The following DIABLO variants were observed in gnomAD, a reference collection of about 807,000 sequenced individuals.
DIABLO encodes the protein diablo IAP-binding mitochondrial protein, also known as diablo homolog, mitochondrial.
In DIABLO, 32 loss-of-function variants were observed where a neutral mutation model predicts 31.7. The ratio of observed to expected loss-of-function variants is 1.01; its 90% CI spans 0.76 to 1.35. The LOEUF (loss-of-function observed/expected upper bound fraction) is 1.35. DIABLO is among the 40% of genes most tolerant of loss of function. The pLI, the probability that DIABLO is intolerant of heterozygous loss-of-function variation, is 0.00. For missense variants in DIABLO, 316 were observed against 286.4 expected, an observed-to-expected ratio of 1.10 and a Z score of -0.75; for synonymous variants, 132 against 103.2, an observed-to-expected ratio of 1.28 and a Z score of -1.69.
rs539899665 is a variant in DIABLO at position 122,224,485 on chromosome 12, G to C, written c.183+27C>G. 3.1e-6 allele frequency: 5 copies of C among 1,613,636 alleles called. No homozygotes were observed. The African/African-American group carries it at 6.7e-5, about 22-fold the overall frequency. Reference sequence around the variant, plus strand: ...GACTTCAAGAGGACACGGTACACTAGATAAGAATCACTGCACACGACAGTA... The same window carrying C: ...GACTTCAAGAGGACACGGTACACTACATAAGAATCACTGCACACGACAGTA... On this transcript the variant is annotated intron_variant, in intron 2 of 5. Coordinates refer to ENST00000464942, the MANE Select transcript of DIABLO (RefSeq NM_001371333.1).
In DIABLO at chr12:122,216,453, TTAAAA is replaced by T. The variant is rs754184666; in HGVS notation, c.523+30_523+34del. The T allele has an allele frequency of 5.3e-6, 7 of 1,315,846 alleles. No individual in the cohort carries two copies. The African/African-American group carries it at 9.7e-5, about 18-fold the overall frequency. 81.5% of individuals were successfully genotyped at this position (1,315,846 alleles called of 1,614,324 possible). A position where few individuals can be genotyped will look rare whatever the true frequency, so the allele number is the denominator to read the frequency against. Reference sequence around the variant, plus strand: ...AAATGGTACCTTCCTAGTTAAAAAATTAAAAAAAAAACCCAACACAAAACTTGAAC... The same window carrying T: ...AAATGGTACCTTCCTAGTTAAAAAATAAAAAACCCAACACAAAACTTGAAC... On this transcript the variant is annotated intron_variant, in intron 5 of 5. Transcript: ENST00000464942.
At chr12:122,222,738 CAAG>C (rs1215937351) in intron 2 of DIABLO, among the ~76,000 whole-genome samples, 5 of 152,074 alleles carry the variant, frequency 3.3e-5, no homozygotes, top group Non-Finnish European at 7.4e-5. Flanking sequence ...TAGATTCTTA[CAAG>C]AAGCACACAA....
At chr12:122,215,725 T>C (rs959082207) in intron 5 of DIABLO, among the ~76,000 whole-genome samples, 1 of 151,458 alleles carries the variant, frequency 6.6e-6, no homozygotes, top group Admixed American at 6.6e-5. Flanking sequence ...GCTGGGAGAA[T>C]AGGAGAAGCA....
rs1954230781 is a variant in DIABLO, at chr12:122,217,066, G to GT, written c.316-198dup. ...AGTATCTCCATCTGTAAACTTCTGTGTTTTTAAAAGCTTGTCAGCAATTCA... is the reference window on the plus strand; with the variant it reads ...AGTATCTCCATCTGTAAACTTCTGTGTTTTTTAAAAGCTTGTCAGCAATTCA... On this transcript the variant is annotated intron_variant, in intron 3 of 5. Coordinates refer to ENST00000464942, the MANE Select transcript of DIABLO (RefSeq NM_001371333.1). 2.6e-5 allele frequency: 14 copies of GT among 543,014 alleles called. No individual in the cohort carries two copies. In the South Asian group the frequency reaches 2.9e-4, roughly 11 times the overall value. 33.6% of individuals were successfully genotyped at this position (543,014 alleles called of 1,614,324 possible).
intron 2 of DIABLO, chr12:122,218,645 TATAAA>T (rs1458575429): frequency 2.1e-6 from 1 of 487,006 alleles, no homozygotes; most frequent in Admixed American, 3.3e-5. Context: ...TTTCTTTACA[TATAAA>T]ATAAATTGTG....
upstream of DIABLO, chr12:122,226,268 G>A (rs1402386641): frequency 1.4e-6 from 1 of 697,332 alleles, no homozygotes; most frequent in South Asian, 1.5e-5. Context: ...GCGCGGAGGT[G>A]GGTCCGGCGC....
upstream of DIABLO, chr12:122,226,154 C>T: frequency 7.6e-7 from 1 of 1,311,416 alleles, no homozygotes. Context: ...ATTGGGCAGG[C>T]AGGGGGAAAG....
At chr12:122,218,985 A>C (rs1179936334) in intron 2 of DIABLO, among the ~76,000 whole-genome samples, 4 of 148,350 alleles carry the variant, frequency 2.7e-5, no homozygotes, top group African/African-American at 1.0e-4. Context: ...CTGTAATCCC[A>C]GCACTTTGGG....
intron 1 of DIABLO, chr12:122,224,873 G>C: frequency 1.4e-6 from 2 of 1,440,958 alleles, no homozygotes; most frequent in Admixed American, 4.3e-5. Flanking sequence ...AAGGCCAAGG[G>C]CAAGGCGGGA....
chr12:122,207,742 A>G lies in DIABLO; in HGVS notation c.*639T>C, dbSNP rs146155613. ...CTTCTCCTTTGGATACAATAGAGAA[A>G]CGGAAAGAAAGGAAGGAACAAGAGG... On this transcript the variant is annotated 3_prime_UTR_variant, in exon 6 of 6. Coordinates refer to ENST00000464942, the MANE Select transcript of DIABLO (RefSeq NM_001371333.1). The G allele has an allele frequency of 1.8e-4, 91 of 493,848 alleles. No individual in the cohort carries two copies. The highest frequency in any genetic ancestry group is 1.6e-3 in the African/African-American group (85 of 51,688). 30.6% of individuals were successfully genotyped at this position (493,848 alleles called of 1,614,324 possible). A position where few individuals can be genotyped will look rare whatever the true frequency, so the allele number is the denominator to read the frequency against.
intron 5 of DIABLO, among the ~76,000 whole-genome samples, chr12:122,214,947 C>T (rs1282852113): frequency 2.0e-5 from 3 of 152,136 alleles, no homozygotes; most frequent in Non-Finnish European, 2.9e-5. Flanking sequence ...TCAAGTGATC[C>T]GCCCTCCTTG....
At chr12:122,225,869 C>A (rs1311083376) in intron 1 of DIABLO, 96 bp downstream of exon 1, 15 of 1,540,262 alleles carry the variant, frequency 9.7e-6, no homozygotes, top group Non-Finnish European at 1.3e-5. Context: ...GAGAGATGAG[C>A]GCGTAAGGAA....
intron 3 of DIABLO, chr12:122,217,259 T>G: frequency 3.7e-6 from 1 of 270,630 alleles, no homozygotes; most frequent in Non-Finnish European, 7.2e-6. Flanking sequence ...ATGCCTGTAA[T>G]CCTAGCACTT....
chr12:122,225,994 C>T lies in DIABLO; in HGVS notation c.21G>A (p.Trp7Ter), dbSNP rs749139648. The T allele has an allele frequency of 6.2e-7, 1 of 1,603,442 alleles. No homozygotes were observed. The change falls in exon 1 of 6, where the codon TGG becomes TGA. Residue 7 changes from tryptophan to a stop codon, truncating the protein, a stop_gained. Transcript: ENST00000464942. LOFTEE classifies it high-confidence loss of function. MAALKS[W>*]LSRSVTSFFR... ...AGAATGAAGTTACGCTGCGCGACAG[C>T]CAACTCTTCAGAGCCGCCATTGTGC...
chr12:122,226,357 T>C, upstream of DIABLO: 1 of 573,698 alleles, frequency 1.7e-6, no homozygotes, highest in South Asian at 1.7e-5. Flanking sequence ...AATTTCCTGG[T>C]GAGTTAGGGA....
At chr12:122,211,418 A>G (rs1954086849) in intron 5 of DIABLO, among the ~76,000 whole-genome samples, 1 of 151,546 alleles carries the variant, frequency 6.6e-6, no homozygotes, top group African/African-American at 2.4e-5. Flanking sequence ...AAACAATCAC[A>G]CTGAGCTGGG....
In DIABLO at chr12:122,208,245, G is replaced by A. The variant is rs1483760082; in HGVS notation, c.*136C>T. ...CAGGAGGCACTCACAGCTCACAAAG[G>A]CGTCTCGCCTGATTGGCCAGGGCAG... On this transcript the variant is annotated 3_prime_UTR_variant, in exon 6 of 6. Coordinates refer to ENST00000464942, the MANE Select transcript of DIABLO (RefSeq NM_001371333.1). The A allele has an allele frequency of 3.0e-6, 3 of 1,010,236 alleles. No homozygotes were observed. The Admixed American group carries it at 5.9e-5, about 20-fold the overall frequency. The allele number at this position is 1,010,236 out of a possible 1,614,324, so 62.6% of individuals were successfully genotyped here.
chr12:122,214,497 C>T (rs1427947388), intron 5 of DIABLO, among the ~76,000 whole-genome samples: 2 of 152,194 alleles, frequency 1.3e-5, no homozygotes, highest in Non-Finnish European at 2.9e-5. Flanking sequence ...ATGATCATAG[C>T]TCACTGCAGC....
intron 1 of DIABLO, chr12:122,225,411 GTT>G: frequency 1.0e-6 from 1 of 995,610 alleles, no homozygotes; most frequent in Non-Finnish European, 1.2e-6. Context: ...AAAATAAAAT[GTT>G]GCCTTTAAAC....
Sources: allele counts gnomAD v4.1 joint callset (sites outside exome capture counted in the v4.1 genomes callset), GRCh38; gene constraint gnomAD v4.1.1; transcripts MANE v1.5; gene names NCBI Gene and HGNC (gene_info 2026-07-23, HGNC 2026-07-21).